The following BCAS3 variants were observed in gnomAD, a reference collection of about 807,000 sequenced individuals.
The protein encoded by BCAS3 is BCAS4/BCAS3 fusion.
Under a neutral mutation model 116.1 loss-of-function variants are expected in BCAS3, and 53 were observed. That is an observed-to-expected ratio of 0.46 (90% CI 0.37 to 0.57). The LOEUF is 0.57. Ranked by LOEUF, BCAS3 falls within the 20% of genes least tolerant of loss-of-function variation. The probability of loss-of-function intolerance (pLI) is 0.00; values close to 1 mark genes in which losing one functional copy is unlikely to be tolerated. For synonymous variants in BCAS3, 391 were observed against 408.2 expected (o/e 0.96, Z 0.51); for missense variants, 917 against 1,165.4 (o/e 0.79, Z 3.10).
chr17:61,193,810 A>G (rs1210301045), intron 22 of BCAS3, among the ~76,000 whole-genome samples: 2 of 147,958 alleles, frequency 1.4e-5, no homozygotes, highest in East Asian at 4.0e-4. Context: ...AAACCTAGTC[A>G]TATTCTGCTT....
In BCAS3 at chr17:61,246,792, A is replaced by AGAGTGTGTGT. The variant is rs932168562; in HGVS notation, c.2426-121534_2426-121533insAGTGTGTGTG. 7.2e-4 allele frequency among the ~76,000 whole-genome samples: 104 copies of AGAGTGTGTGT among 144,236 alleles called. 3 individuals carry two copies. Among genetic ancestry groups the AGAGTGTGTGT allele is most frequent in the Admixed American group, 4.7e-3 (68 of 14,498 alleles). 94.6% of individuals were successfully genotyped at this position (144,236 alleles called of 152,430 possible). A position where few individuals can be genotyped will look rare whatever the true frequency, so the allele number is the denominator to read the frequency against. On this transcript the variant is annotated intron_variant, in intron 22 of 23. Coordinates refer to ENST00000407086, the MANE Select transcript of BCAS3 (RefSeq NM_017679.5). ...ATGGGTAGTTTTGCCTTTGAGTGAG[A>AGAGTGTGTGT]GTGTGTGTGTGTGTGTGTGTGTGTG... is the stretch of plus-strand genomic sequence containing the variant.
chr17:60,875,135 C>T (rs2055473163), intron 9 of BCAS3, among the ~76,000 whole-genome samples: 1 of 151,906 alleles, frequency 6.6e-6, no homozygotes, highest in African/African-American at 2.4e-5. Context: ...TGTCATTTAA[C>T]CAAAAGGTGA....
rs1475916808 is a variant in BCAS3 at position 61,367,047 on chromosome 17, C to A, written c.2426-1280C>A. On this transcript the variant is annotated intron_variant, in intron 22 of 23. Coordinates refer to ENST00000407086, the MANE Select transcript of BCAS3 (RefSeq NM_017679.5). The surrounding 1 kb of genome is among the most constrained non-coding windows in gnomAD (Gnocchi z 6.2). ...GCCGAGGCTGGGGCTCGCACCCTCTCTATTACCACCTGTCATTGGCAGGGA... is the reference window on the plus strand; with the variant it reads ...GCCGAGGCTGGGGCTCGCACCCTCTATATTACCACCTGTCATTGGCAGGGA... 6.6e-6 allele frequency among the ~76,000 whole-genome samples: 1 copy of A among 152,242 alleles called. No homozygotes were observed. The highest frequency in any genetic ancestry group is 1.5e-5 in the Non-Finnish European group (1 of 68,044).
intron 11 of BCAS3, among the ~76,000 whole-genome samples, chr17:60,906,417 A>G (rs2058191348): frequency 6.6e-6 from 1 of 152,076 alleles, no homozygotes. Flanking sequence ...GGACTCTTCT[A>G]TTGTATATTT....
At chr17:60,813,286 A>G (rs1221493538) in intron 7 of BCAS3, among the ~76,000 whole-genome samples, 1 of 144,496 alleles carries the variant, frequency 6.9e-6, no homozygotes, top group Non-Finnish European at 1.5e-5. Flanking sequence ...TTTCAGAGGT[A>G]ACAAAGATTT....
chr17:60,681,680 T>C (rs1265035145), intron 2 of BCAS3, among the ~76,000 whole-genome samples: 3 of 150,500 alleles, frequency 2.0e-5, no homozygotes, highest in African/African-American at 7.3e-5. Context: ...GCCTCCCAAG[T>C]AGCTGGGATT....
chr17:61,331,153 G>T (rs2056250535), intron 22 of BCAS3, among the ~76,000 whole-genome samples: 1 of 152,166 alleles, frequency 6.6e-6, no homozygotes, highest in Non-Finnish European at 1.5e-5. Flanking sequence ...TGAAACAGAT[G>T]AAACAGTAGC....
chr17:61,362,687 T>G lies in BCAS3; in HGVS notation c.2426-5640T>G, dbSNP rs1001526755. 6.6e-6 allele frequency: 1 copy of G among 152,104 alleles called. No individual in the cohort carries two copies. Among genetic ancestry groups the G allele is most frequent in the East Asian group, 1.9e-4 (1 of 5,186 alleles). The allele number at this position is 152,104 out of a possible 1,614,324, so 9.4% of individuals were successfully genotyped here. On this transcript the variant is annotated intron_variant, in intron 22 of 23. Coordinates refer to ENST00000407086, the MANE Select transcript of BCAS3 (RefSeq NM_017679.5). The surrounding 1 kb of genome is among the most constrained non-coding windows in gnomAD (Gnocchi z 4.4). The stretch of plus-strand genomic sequence containing the variant: ...ACCCATTTCTCCTCTGGGGAAAGAG[T>G]ATAACACAGGATGCCAAGCTGGGAA...
At chr17:60,796,245 G>A (rs1451141762) in intron 6 of BCAS3, among the ~76,000 whole-genome samples, 1 of 152,160 alleles carries the variant, frequency 6.6e-6, no homozygotes, top group Non-Finnish European at 1.5e-5. Context: ...TGGCTTCATA[G>A]AATGAATTAG....
At chr17:61,237,242 A>G (rs2083131679) in intron 22 of BCAS3, among the ~76,000 whole-genome samples, 1 of 152,192 alleles carries the variant, frequency 6.6e-6, no homozygotes, top group African/African-American at 2.4e-5. Flanking sequence ...CTCTGTAGCT[A>G]GCAAAGGATT....
chr17:60,913,370 C>T (rs2058616968), intron 12 of BCAS3, among the ~76,000 whole-genome samples: 1 of 151,910 alleles, frequency 6.6e-6, no homozygotes, highest in South Asian at 2.1e-4. Flanking sequence ...AATTGATTTT[C>T]AATAAAAGGT....
At chr17:60,736,906 C>T (rs2041034660) in intron 5 of BCAS3, among the ~76,000 whole-genome samples, 1 of 142,538 alleles carries the variant, frequency 7.0e-6, no homozygotes, top group Non-Finnish European at 1.5e-5. Context: ...CCCTTCCTCC[C>T]TTCCTCCCTT....
chr17:60,928,924 G>T (rs2059498121), intron 13 of BCAS3, among the ~76,000 whole-genome samples: 1 of 152,150 alleles, frequency 6.6e-6, no homozygotes, highest in Non-Finnish European at 1.5e-5. Context: ...ATACATAGAG[G>T]ACATGTTTTA....
At chr17:60,945,185 T>C (rs907000695) in intron 13 of BCAS3, among the ~76,000 whole-genome samples, 2 of 152,174 alleles carry the variant, frequency 1.3e-5, no homozygotes, top group Admixed American at 6.5e-5. Context: ...AATATTACCA[T>C]TTATAATAAC....
chr17:61,321,497 G>A (rs1294834590), intron 22 of BCAS3, among the ~76,000 whole-genome samples: 1 of 152,194 alleles, frequency 6.6e-6, no homozygotes, highest in Non-Finnish European at 1.5e-5. Flanking sequence ...ATGACCTCAA[G>A]AAGAGGCCAT....
chr17:60,684,181 A>G, intron 3 of BCAS3, 145 bp downstream of exon 3: 2 of 687,566 alleles, frequency 2.9e-6, no homozygotes, highest in Non-Finnish European at 5.0e-6. Flanking sequence ...GTGGGACTAC[A>G]TTATTGTTTA....
intron 6 of BCAS3, among the ~76,000 whole-genome samples, chr17:60,768,186 GTATC>G (rs560742816): frequency 9.1e-4 from 139 of 152,264 alleles, no homozygotes; most frequent in African/African-American, 3.2e-3. Flanking sequence ...AATATGAGTG[GTATC>G]TGTGATTTCC....
At chr17:60,805,475 A>C (rs2048183387) in intron 6 of BCAS3, among the ~76,000 whole-genome samples, 1 of 152,228 alleles carries the variant, frequency 6.6e-6, no homozygotes, top group South Asian at 2.1e-4. Flanking sequence ...AAAAGCATAC[A>C]AATTTTTATT....
intron 9 of BCAS3, among the ~76,000 whole-genome samples, chr17:60,888,045 C>G (rs765547187): frequency 3.9e-5 from 6 of 152,030 alleles, no homozygotes; most frequent in Non-Finnish European, 7.4e-5. Context: ...CAGACTTTAC[C>G]TGGAGGCAAA....
Sources: gnomAD v4.1 joint callset for allele counts (sites outside exome capture counted in the v4.1 genomes callset) on GRCh38, gnomAD v4.1.1 for gene constraint, Gnocchi (gnomAD v3.1) non-coding constraint, MANE v1.5 for transcripts, NCBI Gene and HGNC (gene_info 2026-07-23, HGNC 2026-07-21) for gene names.